The following HMGCLL1 variants were observed in gnomAD, a reference collection of about 807,000 sequenced individuals.
HMGCLL1 encodes 3-hydroxy-3-methylglutaryl-CoA lyase like 1.
Under a neutral mutation model 39.1 loss-of-function variants are expected in HMGCLL1, and 36 were observed. That is an observed-to-expected ratio of 0.92 (90% CI 0.71 to 1.22). The LOEUF (loss-of-function observed/expected upper bound fraction) is 1.22. Among genes scored for constraint, HMGCLL1 ranks in the 50% most tolerant of loss-of-function variants. The pLI is 0.00. For missense variants in HMGCLL1, 451 were observed against 416.5 expected, an observed-to-expected ratio of 1.08 and a Z score of -0.72; for synonymous variants, 149 against 144.0, an observed-to-expected ratio of 1.03 and a Z score of -0.25.
At chr6:55,511,389 C>T (rs1767449213) in intron 5 of HMGCLL1, among the ~76,000 whole-genome samples, 1 of 151,972 alleles carries the variant, frequency 6.6e-6, no homozygotes, top group Non-Finnish European at 1.5e-5. Flanking sequence ...TGTACACATG[C>T]ATGTGTTGTG....
chr6:55,471,569 A>G (rs1765047227), intron 7 of HMGCLL1, among the ~76,000 whole-genome samples: 1 of 151,734 alleles, frequency 6.6e-6, no homozygotes, highest in Non-Finnish European at 1.5e-5. Context: ...ATAACATGAA[A>G]TCACATTTAA....
the HMGCLL1 span, among the ~76,000 whole-genome samples, chr6:55,624,801 C>T: frequency 6.6e-6 from 1 of 152,052 alleles, no homozygotes; most frequent in Non-Finnish European, 1.5e-5. Context: ...GCATTTGGCC[C>T]CTCCTACAAC....
chr6:55,517,998 C>T (rs1038253517), intron 3 of HMGCLL1, among the ~76,000 whole-genome samples: 3 of 152,194 alleles, frequency 2.0e-5, no homozygotes, highest in Middle Eastern at 3.4e-3. Context: ...TCACCAATTC[C>T]CGTCTTCTCC....
chr6:55,641,283 C>A, the HMGCLL1 span, among the ~76,000 whole-genome samples: 1 of 151,504 alleles, frequency 6.6e-6, no homozygotes, highest in Non-Finnish European at 1.5e-5. Context: ...TGTATAATTT[C>A]TTATATATAA....
intron 7 of HMGCLL1, among the ~76,000 whole-genome samples, chr6:55,467,380 T>C (rs530486269): frequency 1.3e-4 from 20 of 152,224 alleles, no homozygotes; most frequent in African/African-American, 4.3e-4. Flanking sequence ...CGTACAAGCA[T>C]GTGGAAATAA....
intron 1 of HMGCLL1, among the ~76,000 whole-genome samples, chr6:55,560,314 T>G (rs1770884418): frequency 6.6e-6 from 1 of 152,150 alleles, no homozygotes; most frequent in Admixed American, 6.6e-5. Flanking sequence ...TCTTTGCAAC[T>G]CTAGGAAATG....
At chr6:55,487,862 C>T (rs187494113) in intron 7 of HMGCLL1, among the ~76,000 whole-genome samples, 2 of 152,130 alleles carry the variant, frequency 1.3e-5, no homozygotes, top group East Asian at 3.9e-4. Flanking sequence ...ACAAGAAATA[C>T]TTCACCCCAG....
chr6:55,599,034 G>A, the HMGCLL1 span, among the ~76,000 whole-genome samples: 1 of 152,098 alleles, frequency 6.6e-6, no homozygotes, highest in African/African-American at 2.4e-5. Context: ...AACACCGTAT[G>A]TTCTCACTCA....
intron 1 of HMGCLL1, chr6:55,563,675 T>A (rs535301760): frequency 9.6e-5 from 30 of 311,038 alleles, no homozygotes; most frequent in African/African-American, 5.7e-4. Context: ...GTGGTTTGAA[T>A]AATCAAAGAA....
At chr6:55,437,418 G>A (rs1581778576) in intron 8 of HMGCLL1, among the ~76,000 whole-genome samples, 1 of 149,926 alleles carries the variant, frequency 6.7e-6, no homozygotes, top group African/African-American at 2.5e-5. Flanking sequence ...ACCCACTGAG[G>A]AAAAAAAAAT....
intron 7 of HMGCLL1, among the ~76,000 whole-genome samples, chr6:55,465,789 A>G (rs1249581245): frequency 6.6e-6 from 1 of 152,072 alleles, no homozygotes; most frequent in Non-Finnish European, 1.5e-5. Context: ...TCTGGTATAA[A>G]CCTTACTTGG....
chr6:55,501,549 A>C (rs10948926), intron 5 of HMGCLL1, among the ~76,000 whole-genome samples: 102,402 of 151,602 alleles, frequency 0.68, 34,612 homozygotes, highest in Non-Finnish European at 0.7. Flanking sequence ...GAATTCTCTT[A>C]TTTGACAAGC....
At chr6:55,484,568 A>G (rs1204603057) in intron 7 of HMGCLL1, among the ~76,000 whole-genome samples, 3 of 152,056 alleles carry the variant, frequency 2.0e-5, no homozygotes, top group Admixed American at 6.6e-5. Context: ...GCCAGCAAAT[A>G]TTGTCCACTC....
the HMGCLL1 span, among the ~76,000 whole-genome samples, chr6:55,635,034 TA>T: frequency 6.6e-6 from 1 of 152,036 alleles, no homozygotes; most frequent in African/African-American, 2.4e-5. Context: ...GATGTGCCTA[TA>T]AACTGAAAAT....
intron 7 of HMGCLL1, among the ~76,000 whole-genome samples, chr6:55,467,075 C>A (rs906727007): frequency 1.3e-5 from 2 of 152,012 alleles, no homozygotes; most frequent in Non-Finnish European, 2.9e-5. Context: ...TGTTTCTAAC[C>A]TCCGTGGCCT....
At chr6:55,550,336 A>G (rs888633000) in intron 1 of HMGCLL1, among the ~76,000 whole-genome samples, 4 of 151,868 alleles carry the variant, frequency 2.6e-5, no homozygotes, top group Non-Finnish European at 4.4e-5. Flanking sequence ...CCTTTTCTGT[A>G]ATCACCCTCA....
At chr6:55,520,587 C>T (rs1174981802) in intron 3 of HMGCLL1, among the ~76,000 whole-genome samples, 2 of 151,688 alleles carry the variant, frequency 1.3e-5, no homozygotes, top group African/African-American at 2.4e-5. Context: ...GTACAAAGTC[C>T]TTGCTTTAAT....
chr6:55,627,961 A>T, the HMGCLL1 span, among the ~76,000 whole-genome samples: 9 of 852 alleles, frequency 0.011, 2 homozygotes, highest in African/African-American at 0.017. Context: ...CTATATATAT[A>T]ATATATATAT....
At chr6:55,568,058 C>A (rs562304695) in intron 1 of HMGCLL1, among the ~76,000 whole-genome samples, 15 of 151,982 alleles carry the variant, frequency 9.9e-5, no homozygotes, top group Non-Finnish European at 1.9e-4. Context: ...CTAAATAATT[C>A]TAAAAATGAC....
Sources: allele counts gnomAD v4.1 joint callset (sites outside exome capture counted in the v4.1 genomes callset), GRCh38; gene constraint gnomAD v4.1.1; transcripts MANE v1.5; gene names NCBI Gene and HGNC (gene_info 2026-07-23, HGNC 2026-07-21).